The following TCEA1 variants were observed in gnomAD, a reference collection of about 807,000 sequenced individuals.
TCEA1 encodes transcription elongation factor A1.
TCEA1 carries 21 observed loss-of-function variants against 43.8 expected under a neutral mutation model. That is an observed-to-expected ratio of 0.48 (90% CI 0.34 to 0.69). The LOEUF is 0.69. Ranked by LOEUF, TCEA1 falls within the 30% of genes least tolerant of loss-of-function variation. The pLI is 0.01. For missense variants in TCEA1, 250 were observed against 365.1 expected, an observed-to-expected ratio of 0.68 and a Z score of 2.57; for synonymous variants, 104 against 117.5, an observed-to-expected ratio of 0.88 and a Z score of 0.75.
In TCEA1 at chr8:54,021,730, C is replaced by A. The variant is rs186372855; in HGVS notation, c.63+333G>T. 217 of 231,478 alleles carry A rather than the reference C, an allele frequency of 9.4e-4. 1 individual carries two copies. The highest frequency in any genetic ancestry group is 4.6e-3 in the African/African-American group (202 of 43,948). 14.3% of individuals were successfully genotyped at this position (231,478 alleles called of 1,614,324 possible). ...TTTCAAGTTCTGAGGACTTTCTACGCTTCAATTCCTAAGCTAAATTGCCAA... is the reference window on the plus strand; with the variant it reads ...TTTCAAGTTCTGAGGACTTTCTACGATTCAATTCCTAAGCTAAATTGCCAA... On this transcript the variant is annotated intron_variant, in intron 1 of 9. Coordinates refer to ENST00000521604, the MANE Select transcript of TCEA1 (RefSeq NM_006756.4).
At chr8:53,990,686 T>G (rs1269026387) in intron 4 of TCEA1, among the ~76,000 whole-genome samples, 2 of 152,178 alleles carry the variant, frequency 1.3e-5, no homozygotes, top group Non-Finnish European at 1.5e-5. Context: ...CTTAAACACT[T>G]TGATTAAATG....
chr8:54,009,934 T>C (rs1804597565), intron 2 of TCEA1, among the ~76,000 whole-genome samples: 1 of 152,068 alleles, frequency 6.6e-6, no homozygotes, highest in South Asian at 2.1e-4. Context: ...ATATACCCCC[T>C]TAAACATCTA....
At chr8:53,999,056 G>A (rs949465487) in intron 3 of TCEA1, among the ~76,000 whole-genome samples, 4 of 151,750 alleles carry the variant, frequency 2.6e-5, no homozygotes, top group East Asian at 1.9e-4. Context: ...GTGAAACCTC[G>A]TCTCTACTAA....
intron 3 of TCEA1, among the ~76,000 whole-genome samples, chr8:53,999,441 C>T (rs12056381): frequency 0.2 from 29,991 of 151,640 alleles, 4,279 homozygotes; most frequent in East Asian, 0.74. Context: ...AGGAAATACA[C>T]GCAAGTATTT....
In TCEA1 at chr8:54,022,441, T is replaced by G. The variant is rs1586049118; in HGVS notation, c.-316A>C. On this transcript the variant is annotated 5_prime_UTR_variant, in exon 1 of 10. Transcript: ENST00000521604. ...CGTCGGGCTAGTGGGCAGGCGTGGC[T>G]TCCGGCTAGAGGGTCGTGGAAGGCG... The G allele has an allele frequency of 2.3e-6, 1 of 427,700 alleles. No homozygotes were observed. Among genetic ancestry groups the G allele is most frequent in the East Asian group, 4.7e-5 (1 of 21,328 alleles). The allele number at this position is 427,700 out of a possible 1,614,324, so 26.5% of individuals were successfully genotyped here.
intron 7 of TCEA1, among the ~76,000 whole-genome samples, chr8:53,980,466 C>T (rs572924142): frequency 1.6e-4 from 24 of 152,338 alleles, no homozygotes; most frequent in African/African-American, 5.8e-4. Flanking sequence ...GTGCTCATTT[C>T]ATGTCTCTGT....
At chr8:53,997,287 A>T (rs2129307540) in intron 3 of TCEA1, among the ~76,000 whole-genome samples, 1 of 152,244 alleles carries the variant, frequency 6.6e-6, no homozygotes, top group East Asian at 1.9e-4. Flanking sequence ...TTTTGCAACT[A>T]CTACTACAAA....
Position 53,972,297 on chromosome 8 carries a change from G to A in TCEA1, c.826-1834C>T, listed in dbSNP as rs1020104454. 11 of 440,500 alleles carry A rather than the reference G, an allele frequency of 2.5e-5. No homozygotes were observed. In the East Asian group the frequency reaches 5.7e-4, roughly 23 times the overall value. 27.3% of individuals were successfully genotyped at this position (440,500 alleles called of 1,614,324 possible). On this transcript the variant is annotated intron_variant, in intron 8 of 9. Coordinates refer to ENST00000521604, the MANE Select transcript of TCEA1 (RefSeq NM_006756.4). ...AGGTGATGATGACAATGGAAGTGAT[G>A]ATGAAAATGAAGAGGAGGATGAAGA... is the stretch of plus-strand genomic sequence containing the variant.
intron 2 of TCEA1, among the ~76,000 whole-genome samples, chr8:54,002,692 A>G (rs1804310221): frequency 1.3e-5 from 2 of 152,200 alleles, no homozygotes; most frequent in African/African-American, 2.4e-5. Context: ...AAGACTTACA[A>G]GATGTAATAG....
chr8:54,004,362 C>A (rs1378793674), intron 2 of TCEA1, among the ~76,000 whole-genome samples: 1 of 152,108 alleles, frequency 6.6e-6, no homozygotes, highest in Non-Finnish European at 1.5e-5. Context: ...TACATAACAG[C>A]CAAAAAAGTC....
chr8:53,969,500 A>G (rs1431019300), intron 9 of TCEA1, among the ~76,000 whole-genome samples: 1 of 152,188 alleles, frequency 6.6e-6, no homozygotes, highest in Non-Finnish European at 1.5e-5. Flanking sequence ...TATAAATGAA[A>G]AAAAAAAGAA....
chr8:54,003,914 T>C (rs1025538038), intron 2 of TCEA1, among the ~76,000 whole-genome samples: 9 of 150,918 alleles, frequency 6.0e-5, no homozygotes, highest in African/African-American at 1.7e-4. Context: ...ATTTGGAATA[T>C]ATAAAGAACT....
chr8:54,007,295 T>C (rs1168942417), intron 2 of TCEA1, among the ~76,000 whole-genome samples: 1 of 152,116 alleles, frequency 6.6e-6, no homozygotes, highest in East Asian at 1.9e-4. Context: ...AATTACAAAA[T>C]ATTTTTAAAT....
At chr8:54,020,022 T>C (rs1181140240) in intron 1 of TCEA1, among the ~76,000 whole-genome samples, 3 of 152,242 alleles carry the variant, frequency 2.0e-5, no homozygotes, top group African/African-American at 7.2e-5. Flanking sequence ...TGAAAATTTG[T>C]TGACGATTTG....
At chr8:54,006,016 A>G (rs971974481) in intron 2 of TCEA1, among the ~76,000 whole-genome samples, 2 of 152,206 alleles carry the variant, frequency 1.3e-5, no homozygotes, top group Admixed American at 1.3e-4. Context: ...CTCTGCTGAA[A>G]TATCTTTCCC....
At chr8:53,980,878 G>A (rs1485205850) in intron 7 of TCEA1, among the ~76,000 whole-genome samples, 1 of 152,208 alleles carries the variant, frequency 6.6e-6, no homozygotes, top group Admixed American at 6.5e-5. Context: ...ACACCAGTTA[G>A]CCAAATTGTG....
Position 53,979,109 on chromosome 8 carries a change from C to A in TCEA1, c.741G>T (p.Glu247Asp). The change falls in exon 8 of 10, where the codon GAG becomes GAT. Residue 247 changes from glutamate to aspartate, a missense_variant. Physicochemically the swap from Glu to Asp is conservative, Grantham distance 45. Coordinates refer to ENST00000521604, the MANE Select transcript of TCEA1 (RefSeq NM_006756.4). Reference protein sequence around the residue: ...RKNLTKEAIREHQMAKTGGTQ... With the variant: ...RKNLTKEAIRDHQMAKTGGTQ... ...TCCCACCAGTCTTGGCCATCTGATG[C>A]TCTCTGATGGCTTCTTTGGTCAAGT... The A allele has an allele frequency of 1.2e-6, 2 of 1,613,816 alleles. No individual in the cohort carries two copies. Among genetic ancestry groups the A allele is most frequent in the Non-Finnish European group, 1.7e-6 (2 of 1,179,808 alleles).
rs73680390 is a variant in TCEA1, at chr8:53,976,432, C to T, written c.825+2593G>A. 3.2e-3 allele frequency among the ~76,000 whole-genome samples: 487 copies of T among 152,314 alleles called. 4 individuals are homozygous for T. The highest frequency in any genetic ancestry group is 0.011 in the African/African-American group (443 of 41,580). ...TTTGCTCTCTGGGAAAAATTTTAATCTCCTCTTGGGTACGTAGTAATCAAG... is the reference window on the plus strand; with the variant it reads ...TTTGCTCTCTGGGAAAAATTTTAATTTCCTCTTGGGTACGTAGTAATCAAG... On this transcript the variant is annotated intron_variant, in intron 8 of 9. Transcript: ENST00000521604.
intron 8 of TCEA1, among the ~76,000 whole-genome samples, chr8:53,970,895 G>A (rs1264374144): frequency 6.6e-6 from 1 of 152,170 alleles, no homozygotes; most frequent in East Asian, 1.9e-4. Flanking sequence ...ATCTCAGTCT[G>A]ACAAATATAA....
Sources: gnomAD v4.1 joint callset for allele counts (sites outside exome capture counted in the v4.1 genomes callset) on GRCh38, gnomAD v4.1.1 for gene constraint, MANE v1.5 for transcripts, NCBI Gene and HGNC (gene_info 2026-07-23, HGNC 2026-07-21) for gene names.